Variants in STYK1 observed in about 807,000 individuals in gnomAD.
STYK1 encodes the protein tyrosine-protein kinase STYK1.
Under a neutral mutation model 48.1 loss-of-function variants are expected in STYK1, and 46 were observed. The observed-to-expected ratio is 0.96, with a 90% confidence interval of 0.75 to 1.22. STYK1 has a LOEUF of 1.22. Among genes scored for constraint, STYK1 ranks in the 50% most tolerant of loss-of-function variants. The pLI, the probability that STYK1 is intolerant of heterozygous loss-of-function variation, is 0.00. For missense variants in STYK1, 527 were observed against 521.1 expected (o/e 1.01, Z -0.11); for synonymous variants, 188 against 189.0 (o/e 0.99, Z 0.04).
chr12:10,658,455 T>A (rs1156617050), intron 1 of STYK1, among the ~76,000 whole-genome samples: 2 of 152,210 alleles, frequency 1.3e-5, no homozygotes, highest in Admixed American at 6.5e-5. Context: ...CCTCTATTAA[T>A]GAGTAAAGTT....
intron 1 of STYK1, among the ~76,000 whole-genome samples, chr12:10,638,887 C>T (rs1482092907): frequency 3.3e-5 from 5 of 152,220 alleles, no homozygotes; most frequent in African/African-American, 1.2e-4. Flanking sequence ...TTCAACCTTA[C>T]TGCTTGCTTA....
Position 10,631,102 on chromosome 12 carries a change from T to A in STYK1, c.394A>T (p.Asn132Tyr). The A allele has an allele frequency of 6.2e-7, 1 of 1,614,190 alleles. No homozygotes were observed. The highest frequency in any genetic ancestry group is 1.1e-5 in the South Asian group (1 of 91,086). Residue 132 changes from asparagine to tyrosine, a missense_variant, in exon 5 of 11, where the codon AAT becomes TAT. Asn to Tyr is a moderately radical substitution (Grantham distance 143, BLOSUM62 -2). Transcript: ENST00000075503. ...SGSCGPIFRANMNTGDPSKPK... is the reference protein window; with the variant it reads ...SGSCGPIFRAYMNTGDPSKPK... ...TTAGAAGGGTCCCCAGTGTTCATATTGGCTCGAAAGATGGGCCCACAGCTA... is the reference window on the plus strand; with the variant it reads ...TTAGAAGGGTCCCCAGTGTTCATATAGGCTCGAAAGATGGGCCCACAGCTA...
intron 1 of STYK1, among the ~76,000 whole-genome samples, chr12:10,671,324 G>A (rs538775261): frequency 5.3e-5 from 8 of 152,238 alleles, no homozygotes; most frequent in South Asian, 2.1e-4. Context: ...TTGAAATAGC[G>A]AAGGGGAATT....
intron 5 of STYK1, among the ~76,000 whole-genome samples, chr12:10,630,022 A>G (rs1470607181): frequency 7.0e-6 from 1 of 143,238 alleles, no homozygotes; most frequent in Non-Finnish European, 1.5e-5. Context: ...ACTGGCCCAT[A>G]TCATGAAGAG....
At chr12:10,656,000 C>T (rs2120764684) in intron 1 of STYK1, among the ~76,000 whole-genome samples, 1 of 152,196 alleles carries the variant, frequency 6.6e-6, no homozygotes, top group South Asian at 2.1e-4. Flanking sequence ...ATGTCCCCAC[C>T]CAAATCTCAT....
intron 1 of STYK1, among the ~76,000 whole-genome samples, chr12:10,641,569 C>T (rs1370803835): frequency 2.0e-5 from 3 of 152,228 alleles, no homozygotes; most frequent in East Asian, 1.9e-4. Context: ...TACATACACA[C>T]ACTTTCTCAT....
intron 1 of STYK1, among the ~76,000 whole-genome samples, chr12:10,647,417 G>T (rs112954337): frequency 0.015 from 2,301 of 152,188 alleles, 65 homozygotes; most frequent in African/African-American, 0.052. Context: ...CCTTTGTTTT[G>T]GCCAATTTCT....
chr12:10,656,835 G>A (rs1208359290), intron 1 of STYK1, among the ~76,000 whole-genome samples: 1 of 152,014 alleles, frequency 6.6e-6, no homozygotes, highest in Non-Finnish European at 1.5e-5. Context: ...AATTGAAAGG[G>A]GATAAATAAA....
At position 10,629,369 on chromosome 12, in the gene STYK1, C is replaced by G. The variant is rs12304656; in HGVS notation, c.633+124G>C. On this transcript the variant is annotated intron_variant, in intron 6 of 10. Transcript: ENST00000075503. ...AAAAGTTCTATTATATGGTCATACT[C>G]CCTTATTCTGTCATGCTATTATAGT... is the stretch of plus-strand genomic sequence containing the variant. 13,100 of 973,432 alleles carry G rather than the reference C, an allele frequency of 0.013. 906 individuals are homozygous for G. The African/African-American group carries it at 0.16, about 12-fold the overall frequency. The allele number at this position is 973,432 out of a possible 1,614,324, so 60.3% of individuals were successfully genotyped here. A position where few individuals can be genotyped will look rare whatever the true frequency, so the allele number is the denominator to read the frequency against.
chr12:10,661,858 T>C (rs1231746652), intron 1 of STYK1, among the ~76,000 whole-genome samples: 1 of 152,156 alleles, frequency 6.6e-6, no homozygotes, highest in Non-Finnish European at 1.5e-5. Context: ...GTTTTATAAA[T>C]TGAGATATAA....
At chr12:10,626,826 G>A (rs1947364458) in intron 7 of STYK1, among the ~76,000 whole-genome samples, 2 of 152,060 alleles carry the variant, frequency 1.3e-5, no homozygotes, top group South Asian at 4.1e-4. Context: ...CTAACACAGT[G>A]AAACCCCGTC....
chr12:10,646,942 A>C (rs1947606336), intron 1 of STYK1, among the ~76,000 whole-genome samples: 1 of 152,212 alleles, frequency 6.6e-6, no homozygotes, highest in Non-Finnish European at 1.5e-5. Flanking sequence ...AGAAGTCAAG[A>C]ATTAAGGCTT....
At chr12:10,655,465 A>G (rs972139824) in intron 1 of STYK1, among the ~76,000 whole-genome samples, 1 of 152,220 alleles carries the variant, frequency 6.6e-6, no homozygotes, top group African/African-American at 2.4e-5. Flanking sequence ...CTTAGTAGCT[A>G]AGGCTTTGCC....
In STYK1 at chr12:10,633,899, C is replaced by A. The variant is rs539736163; in HGVS notation, c.187+91G>T. On this transcript the variant is annotated intron_variant, in intron 4 of 10. Transcript: ENST00000075503. The stretch of plus-strand genomic sequence containing the variant: ...TCTCTCATTGCAGGTACCTAGACTT[C>A]TAGACATGGGCTCATTGAAACTTAG... The A allele has an allele frequency of 1.7e-5, 25 of 1,495,560 alleles. No homozygotes were observed. In the Admixed American group the frequency reaches 1.8e-4, roughly 11 times the overall value. 92.6% of individuals were successfully genotyped at this position (1,495,560 alleles called of 1,614,324 possible). A position where few individuals can be genotyped will look rare whatever the true frequency, so the allele number is the denominator to read the frequency against.
rs1032744828 is a variant in STYK1, at chr12:10,672,914, G to T, written c.-195+1052C>A. 2.0e-5 allele frequency among the ~76,000 whole-genome samples: 3 copies of T among 152,066 alleles called. No homozygotes were observed. The highest frequency in any genetic ancestry group is 7.2e-5 in the African/African-American group (3 of 41,382). On this transcript the variant is annotated intron_variant, in intron 1 of 10. Coordinates refer to ENST00000075503, the MANE Select transcript of STYK1 (RefSeq NM_018423.3). This position sits in a 1 kb window ranked among gnomAD's most constrained non-coding sequence, Gnocchi z 4.0. ...GTGGAGATTCCGGTGCATTGAGGGG[G>T]AAAAACCAGGTAGACAGCACAGAGT...
In STYK1 at chr12:10,636,454, T is replaced by A. The variant is rs3782673; in HGVS notation, c.-69+617A>T. Among the ~76,000 whole-genome samples the A allele has an allele frequency of 2.4e-3, 365 of 152,262 alleles. 2 individuals are homozygous for A. The East Asian group carries it at 0.035, about 15-fold the overall frequency. On this transcript the variant is annotated intron_variant, in intron 2 of 10. Coordinates refer to ENST00000075503, the MANE Select transcript of STYK1 (RefSeq NM_018423.3). ...GTTGATGAATAGTTAGATAGCAAAG[T>A]CCACTGTATCCAGTGTGTAAACCAA... is the stretch of plus-strand genomic sequence containing the variant.
intron 10 of STYK1, among the ~76,000 whole-genome samples, chr12:10,621,623 C>T (rs932505369): frequency 6.6e-6 from 1 of 151,838 alleles, no homozygotes; most frequent in Non-Finnish European, 1.5e-5. Context: ...ATATAGTTCT[C>T]AGCGTGTGGT....
rs954823149 is a variant in STYK1 at position 10,618,982 on chromosome 12, G to T, written c.*1162C>A. 5.9e-5 allele frequency: 9 copies of T among 152,150 alleles called. No individual in the cohort carries two copies. The highest frequency in any genetic ancestry group is 2.2e-4 in the African/African-American group (9 of 41,424). 9.4% of individuals were successfully genotyped at this position (152,150 alleles called of 1,614,324 possible). On this transcript the variant is annotated 3_prime_UTR_variant, in exon 11 of 11. Transcript: ENST00000075503. ...ATTGAGCGCATATGTGCCAGATAGT[G>T]TACAAATACATACTCAAAACGTATC...
intron 5 of STYK1, among the ~76,000 whole-genome samples, chr12:10,630,020 A>G (rs1947404880): frequency 6.9e-6 from 1 of 144,526 alleles, no homozygotes; most frequent in African/African-American, 2.6e-5. Flanking sequence ...TTACTGGCCC[A>G]TATCATGAAG....
Sources: gnomAD v4.1 joint callset for allele counts (sites outside exome capture counted in the v4.1 genomes callset) on GRCh38, gnomAD v4.1.1 for gene constraint, Gnocchi (gnomAD v3.1) non-coding constraint, MANE v1.5 for transcripts, NCBI Gene and HGNC (gene_info 2026-07-23, HGNC 2026-07-21) for gene names.